Variants in DOCK4 observed in about 807,000 individuals in gnomAD.
DOCK4 encodes the protein dedicator of cytokinesis protein 4.
A neutral mutation model predicts 268.1 loss-of-function variants in DOCK4; 97 were observed. The observed-to-expected ratio is 0.36, with a 90% CI of 0.31 to 0.43. DOCK4 has a LOEUF of 0.43. Among genes scored for constraint, DOCK4 ranks in the 20% least tolerant of loss-of-function variants. The probability of loss-of-function intolerance (pLI) is 1.00; values close to 1 mark genes in which losing one functional copy is unlikely to be tolerated. For missense variants in DOCK4, 2,145 were observed against 2,455.7 expected (o/e 0.87, Z 2.67); for synonymous variants, 954 against 887.2 (o/e 1.08, Z -1.34).
chr7:112,089,366 C>G (rs986659646), intron 1 of DOCK4, among the ~76,000 whole-genome samples: 8 of 152,180 alleles, frequency 5.3e-5, no homozygotes, highest in African/African-American at 1.7e-4. Context: ...TGACACTGAC[C>G]TCCCATTCTC....
chr7:111,977,030 G>A lies in DOCK4; in HGVS notation c.701+102C>T, dbSNP rs149444911. The A allele has an allele frequency of 1.5e-4, 205 of 1,328,046 alleles. 2 individuals carry two copies. In the African/African-American group the frequency reaches 2.0e-3, roughly 13 times the overall value. 82.3% of individuals were successfully genotyped at this position (1,328,046 alleles called of 1,614,324 possible). A position where few individuals can be genotyped will look rare whatever the true frequency, so the allele number is the denominator to read the frequency against. ...TACTGGTGAGAAAATTGAAGCTGAC[G>A]GAGTAAAAAATATACAAGATATATA... is the stretch of plus-strand genomic sequence containing the variant. On this transcript the variant is annotated intron_variant, in intron 8 of 52. Transcript: ENST00000428084.
intron 1 of DOCK4, among the ~76,000 whole-genome samples, chr7:112,090,634 C>T (rs1486558560): frequency 1.3e-5 from 2 of 152,138 alleles, no homozygotes; most frequent in Non-Finnish European, 2.9e-5. Flanking sequence ...TATACAAGCT[C>T]ATTTTTGAAA....
intron 1 of DOCK4, among the ~76,000 whole-genome samples, chr7:112,201,703 G>A (rs1820952192): frequency 2.6e-5 from 4 of 152,158 alleles, no homozygotes; most frequent in Admixed American, 2.6e-4. Context: ...GGACATGCAG[G>A]AGGTAGAGGT....
At chr7:112,014,856 G>A (rs1801673765) in intron 1 of DOCK4, among the ~76,000 whole-genome samples, 1 of 152,102 alleles carries the variant, frequency 6.6e-6, no homozygotes, top group African/African-American at 2.4e-5. Context: ...AGTGAGCTAT[G>A]ATCACACCAC....
Position 112,098,853 on chromosome 7 carries a change from T to C in DOCK4, c.38-94722A>G, listed in dbSNP as rs41403747. Among the ~76,000 whole-genome samples the C allele has an allele frequency of 8.9e-3, 1,354 of 151,886 alleles. 18 individuals are homozygous for C. The highest frequency in any genetic ancestry group is 0.031 in the African/African-American group (1,268 of 41,458). ...TCTAAATTATATCTCATGAGCATAA[T>C]TTAAATACTAGACCCAAATGAACAT... On this transcript the variant is annotated intron_variant, in intron 1 of 52. Transcript: ENST00000428084.
chr7:111,840,740 T>C (rs750139372), intron 25 of DOCK4: 20 of 1,175,500 alleles, frequency 1.7e-5, no homozygotes, highest in African/African-American at 9.8e-5. Flanking sequence ...CAATGGCACA[T>C]TGTGGGATCT....
In DOCK4 at chr7:111,895,679, A is replaced by G. The variant is rs1232981409; in HGVS notation, c.1520T>C (p.Phe507Ser). Residue 507 changes from phenylalanine to serine, a missense_variant, in exon 16 of 53, where the codon TTT becomes TCT. This residue lies in a region of DOCK4 where 1,598 missense variants were observed against 1,986.7 expected (regional missense o/e 0.80). Transcript: ENST00000428084. ...KGEKKLFGFS[F>S]VPLMQEDGRT... ...ACCATCTTCTTGCATCAGAGGGACA[A>G]AAGAAAACCCAAACAACTTCTTCTC... 8 of 1,613,828 alleles carry G rather than the reference A, an allele frequency of 5.0e-6. No homozygotes were observed. The highest frequency in any genetic ancestry group is 2.2e-5 in the East Asian group (1 of 44,882).
At chr7:111,735,230 C>T in intron 50 of DOCK4, 63 bp from the exon 51 acceptor site, 1 of 1,116,898 alleles carries the variant, frequency 9.0e-7, no homozygotes, top group Non-Finnish European at 1.3e-6. Context: ...TGCTTGAGAT[C>T]TTAGAAGAAA....
At chr7:111,934,948 CTT>C (rs928322293) in intron 12 of DOCK4, among the ~76,000 whole-genome samples, 1 of 145,694 alleles carries the variant, frequency 6.9e-6, no homozygotes. Context: ...TTTTAGCTTG[CTT>C]TTTTTTTTTT....
chr7:112,149,119 C>T (rs761899354), intron 1 of DOCK4, among the ~76,000 whole-genome samples: 7 of 152,170 alleles, frequency 4.6e-5, no homozygotes, highest in Non-Finnish European at 7.4e-5. Flanking sequence ...ATCATAGAAA[C>T]TCTCCATGGA....
At chr7:112,116,500 G>A (rs1378024869) in intron 1 of DOCK4, among the ~76,000 whole-genome samples, 1 of 152,106 alleles carries the variant, frequency 6.6e-6, no homozygotes, top group Non-Finnish European at 1.5e-5. Flanking sequence ...CAGCATCCCT[G>A]CCCCATTTTC....
chr7:112,067,723 C>G (rs1442906710), intron 1 of DOCK4, among the ~76,000 whole-genome samples: 1 of 152,062 alleles, frequency 6.6e-6, no homozygotes, highest in East Asian at 1.9e-4. Flanking sequence ...CTGTGGGGAA[C>G]AGGAAAGCTC....
rs764375910 is a variant in DOCK4 at position 111,863,478 on chromosome 7, G to A, written c.2367C>T (p.Asp789=). The A allele has an allele frequency of 6.2e-7, 1 of 1,613,974 alleles. No homozygotes were observed. Among genetic ancestry groups the A allele is most frequent in the South Asian group, 1.1e-5 (1 of 91,074 alleles). The change falls in exon 23 of 53, where the codon GAC becomes GAT. Residue 789 remains aspartate, a synonymous_variant. Transcript: ENST00000428084. The part of the protein sequence containing the change: ...DVREVANLVQ[D]TLGSLPTILH... Reference sequence around the variant, plus strand: ...GGATGGTCGGCAGACTGCCCAGGGTGTCCTGGACCAAGTTGGCTACTTCCC... The same window carrying A: ...GGATGGTCGGCAGACTGCCCAGGGTATCCTGGACCAAGTTGGCTACTTCCC...
intron 1 of DOCK4, among the ~76,000 whole-genome samples, chr7:112,078,097 C>T (rs1017693182): frequency 1.3e-5 from 2 of 152,094 alleles, no homozygotes; most frequent in African/African-American, 2.4e-5. Context: ...TATACTGATA[C>T]ATGAATCAAT....
chr7:112,177,315 T>C (rs1200321372), intron 1 of DOCK4, among the ~76,000 whole-genome samples: 1 of 152,204 alleles, frequency 6.6e-6, no homozygotes, highest in Non-Finnish European at 1.5e-5. Flanking sequence ...CCGAAATACA[T>C]AGATGATAAT....
intron 25 of DOCK4, among the ~76,000 whole-genome samples, chr7:111,843,983 G>T (rs1338991529): frequency 6.6e-6 from 1 of 152,114 alleles, no homozygotes; most frequent in East Asian, 1.9e-4. Context: ...TTTAAAATTT[G>T]CCAATTCCAG....
chr7:111,801,455 A>G (rs1025419144), intron 30 of DOCK4, among the ~76,000 whole-genome samples: 4 of 152,168 alleles, frequency 2.6e-5, no homozygotes, highest in African/African-American at 7.2e-5. Context: ...AAATTGGCGC[A>G]AGACCAAAAA....
intron 1 of DOCK4, among the ~76,000 whole-genome samples, chr7:112,062,001 G>A (rs563358722): frequency 1.3e-5 from 2 of 152,282 alleles, no homozygotes; most frequent in African/African-American, 2.4e-5. Flanking sequence ...GTACAATTAT[G>A]TGGTACACAG....
At chr7:111,754,155 G>C (rs920184228) in intron 42 of DOCK4, among the ~76,000 whole-genome samples, 6 of 152,156 alleles carry the variant, frequency 3.9e-5, no homozygotes, top group African/African-American at 1.4e-4. Context: ...AAGACTTTTT[G>C]AGCACTGCGT....
Sources: allele counts gnomAD v4.1 joint callset (sites outside exome capture counted in the v4.1 genomes callset), GRCh38; gene constraint gnomAD v4.1.1; regional missense constraint gnomAD v4.1.1; transcripts MANE v1.5; gene names NCBI Gene and HGNC (gene_info 2026-07-23, HGNC 2026-07-21).